ZNF267: variants seen among roughly 807,000 people sequenced by gnomAD.
ZNF267 encodes the protein zinc finger protein 267.
A neutral mutation model predicts 71.6 loss-of-function variants in ZNF267; 61 were observed. The ratio of observed to expected loss-of-function variants is 0.85; its 90% CI spans 0.69 to 1.05. ZNF267 has a LOEUF of 1.05. Among genes scored for constraint, ZNF267 ranks in the 50% least tolerant of loss-of-function variants. The probability of loss-of-function intolerance (pLI) is 0.00; values close to 1 mark genes in which losing one functional copy is unlikely to be tolerated. For missense variants in ZNF267, 852 were observed against 870.0 expected, an observed-to-expected ratio of 0.98 and a Z score of 0.26; for synonymous variants, 288 against 293.2, an observed-to-expected ratio of 0.98 and a Z score of 0.18.
chr16:31,914,097 C>T, intron 3 of ZNF267: 1 of 179,506 alleles, frequency 5.6e-6, no homozygotes, highest in Non-Finnish European at 1.2e-5. Flanking sequence ...TATTCAGAGA[C>T]CAGCAGCTCC....
rs144820121 is a variant in ZNF267, at chr16:31,911,274, T to A, written c.227-3202T>A. The stretch of plus-strand genomic sequence containing the variant: ...AAGATCTGTACAATGCTGAAAGTGG[T>A]GTGTTGAAGTCTCAATTATTATTGT... On this transcript the variant is annotated intron_variant, in intron 3 of 3. Transcript: ENST00000300870. Among the ~76,000 whole-genome samples, 221 of 151,806 alleles carry A rather than the reference T, an allele frequency of 1.5e-3. 7 individuals carry two copies. The highest frequency in any genetic ancestry group is 5.2e-3 in the African/African-American group (216 of 41,172).
rs2084180790 is a variant in ZNF267 at position 31,916,646 on chromosome 16, A to G, written c.*165A>G. 5.4e-6 allele frequency: 4 copies of G among 744,840 alleles called. No homozygotes were observed. Among genetic ancestry groups the G allele is most frequent in the Non-Finnish European group, 8.4e-6 (4 of 475,136 alleles). The allele number at this position is 744,840 out of a possible 1,614,324, so 46.1% of individuals were successfully genotyped here. A position where few individuals can be genotyped will look rare whatever the true frequency, so the allele number is the denominator to read the frequency against. On this transcript the variant is annotated 3_prime_UTR_variant, in exon 4 of 4. Coordinates refer to ENST00000300870, the MANE Select transcript of ZNF267 (RefSeq NM_003414.6). ...GAGAATATAAACTGAAAAAATCCAT[A>G]CAAATATTAAAAATGTGGCAAATTA...
In ZNF267 at chr16:31,914,614, G is replaced by A; in HGVS notation, c.365G>A (p.Cys122Tyr). The A allele has an allele frequency of 1.2e-6, 2 of 1,614,130 alleles. No individual in the cohort carries two copies. Among genetic ancestry groups the A allele is most frequent in the African/African-American group, 1.3e-5 (1 of 75,040 alleles). ...AGAAAAAGGTGGAAAAGGGAGGAGT[G>A]TGAAGGGCACAATGGATGTTATGAT... ...HLRKRWKREE[C>Y]EGHNGCYDEK... The change falls in exon 4 of 4, where the codon TGT (cysteine) becomes TAT (tyrosine). Residue 122 changes from cysteine to tyrosine, a missense_variant. Coordinates refer to ENST00000300870, the MANE Select transcript of ZNF267 (RefSeq NM_003414.6).
intron 3 of ZNF267, among the ~76,000 whole-genome samples, chr16:31,909,960 GT>G (rs2084123924): frequency 6.6e-6 from 1 of 152,076 alleles, no homozygotes; most frequent in Non-Finnish European, 1.5e-5. Context: ...CTTTTTGAGA[GT>G]TTTTATTATC....
In ZNF267 at chr16:31,915,633, A is replaced by G. The variant is rs769664773; in HGVS notation, c.1384A>G (p.Lys462Glu). ...TQHQTTHTGE[K>E]LYKCKVCSKS... ...ACATCAGACAACTCATACAGGAGAA[A>G]AACTTTACAAATGTAAAGTATGTAG... The change falls in exon 4 of 4, where the codon AAA becomes GAA. Residue 462 changes from lysine (K) to glutamate (E), a missense_variant. Lys to Glu is a moderately conservative substitution (Grantham distance 56, BLOSUM62 1). Coordinates refer to ENST00000300870, the MANE Select transcript of ZNF267 (RefSeq NM_003414.6). 6.8e-6 allele frequency: 11 copies of G among 1,613,924 alleles called. No individual in the cohort carries two copies.
chr16:31,906,449 T>A (rs989420350), intron 3 of ZNF267, among the ~76,000 whole-genome samples: 1 of 152,178 alleles, frequency 6.6e-6, no homozygotes, highest in Non-Finnish European at 1.5e-5. Flanking sequence ...CGGACCGCTT[T>A]GTTTACCTAC....
At chr16:31,874,360 A>T (rs2142325214) in intron 1 of ZNF267, 1 of 191,750 alleles carries the variant, frequency 5.2e-6, no homozygotes, top group South Asian at 1.5e-4. Context: ...CTTAAGAATT[A>T]AAGGGAGTCA....
chr16:31,892,749 C>G (rs1242913144), intron 3 of ZNF267, among the ~76,000 whole-genome samples: 2 of 152,264 alleles, frequency 1.3e-5, no homozygotes, highest in African/African-American at 4.8e-5. Context: ...TCCTTTGACT[C>G]CATGTCTCAC....
chr16:31,910,956 A>G (rs1004028552), intron 3 of ZNF267, among the ~76,000 whole-genome samples: 5 of 151,484 alleles, frequency 3.3e-5, no homozygotes, highest in Non-Finnish European at 5.9e-5. Context: ...TCCAATTTTC[A>G]TTGAGGAGCG....
Position 31,898,147 on chromosome 16 carries a change from G to A in ZNF267, c.226+12891G>A, listed in dbSNP as rs1332128255. On this transcript the variant is annotated intron_variant, in intron 3 of 3. Transcript: ENST00000300870. ...AGGTCACAATGTATATATGGGAGCT[G>A]TGACATTAGGTGCATATATGCTAAT... Among the ~76,000 whole-genome samples, 5 of 152,146 alleles carry A rather than the reference G, an allele frequency of 3.3e-5. No homozygotes were observed. In the East Asian group the frequency reaches 9.6e-4, roughly 29 times the overall value.
intron 1 of ZNF267, among the ~76,000 whole-genome samples, chr16:31,876,701 TA>T (rs1301755161): frequency 4.6e-5 from 7 of 152,274 alleles, no homozygotes; most frequent in Non-Finnish European, 1.0e-4. Flanking sequence ...TCCTTTATTC[TA>T]TAAACACTGT....
At chr16:31,909,808 T>G (rs2084122298) in intron 3 of ZNF267, among the ~76,000 whole-genome samples, 1 of 152,232 alleles carries the variant, frequency 6.6e-6, no homozygotes, top group Non-Finnish European at 1.5e-5. Context: ...TGAATAACAG[T>G]GTTGAAAGTG....
At chr16:31,881,279 T>C (rs1033484823) in intron 1 of ZNF267, among the ~76,000 whole-genome samples, 5 of 152,104 alleles carry the variant, frequency 3.3e-5, no homozygotes, top group African/African-American at 7.2e-5. Flanking sequence ...AAAGCAGCAA[T>C]GTAGAGATGA....
Position 31,874,047 on chromosome 16 carries a change from C to T in ZNF267, c.3+78C>T. 2.0e-6 allele frequency: 3 copies of T among 1,500,720 alleles called. No homozygotes were observed. In the Admixed American group the frequency reaches 5.3e-5, roughly 27 times the overall value. The allele number at this position is 1,500,720 out of a possible 1,614,324, so 93.0% of individuals were successfully genotyped here. A position where few individuals can be genotyped will look rare whatever the true frequency, so the allele number is the denominator to read the frequency against. On this transcript the variant is annotated intron_variant, in intron 1 of 3. Transcript: ENST00000300870. Reference sequence around the variant, plus strand: ...GCGGCGGGAACCCGCTGTAGGGGCACCCGGGCCTCCCCGCAGTCAGCCTCG... The same window carrying T: ...GCGGCGGGAACCCGCTGTAGGGGCATCCGGGCCTCCCCGCAGTCAGCCTCG...
chr16:31,906,197 G>A (rs1443341372), intron 3 of ZNF267, among the ~76,000 whole-genome samples: 1 of 152,160 alleles, frequency 6.6e-6, no homozygotes, highest in Non-Finnish European at 1.5e-5. Flanking sequence ...AGCTCCTACT[G>A]GGGGGTGCCT....
At position 31,916,060 on chromosome 16, in the gene ZNF267, A is replaced by G; in HGVS notation, c.1811A>G (p.Tyr604Cys). The change falls in exon 4 of 4, where the codon TAT (tyrosine) becomes TGT (cysteine). Residue 604 changes from tyrosine to cysteine, a missense_variant. Transcript: ENST00000300870. ...CGAACTCATACTGGAGAGAAACCCT[A>G]TACATGTAAAGAATGTGGCAAAGCC... The part of the protein sequence containing the change: ...HRRTHTGEKP[Y>C]TCKECGKAFS... 6.2e-7 allele frequency: 1 copy of G among 1,614,124 alleles called. No homozygotes were observed. The highest frequency in any genetic ancestry group is 1.1e-5 in the South Asian group (1 of 91,086).
intron 3 of ZNF267, among the ~76,000 whole-genome samples, chr16:31,892,482 G>A (rs2083967113): frequency 6.6e-6 from 1 of 152,036 alleles, no homozygotes; most frequent in African/African-American, 2.4e-5. Context: ...CTTCCCAATA[G>A]TCCCCCAAAG....
chr16:31,905,514 T>C (rs2142355443), intron 3 of ZNF267, among the ~76,000 whole-genome samples: 1 of 152,322 alleles, frequency 6.6e-6, no homozygotes, highest in African/African-American at 2.4e-5. Flanking sequence ...TAAACTTCTC[T>C]TTTCGCTTCA....
At chr16:31,875,696 G>C (rs954826456) in intron 1 of ZNF267, among the ~76,000 whole-genome samples, 7 of 152,168 alleles carry the variant, frequency 4.6e-5, no homozygotes, top group African/African-American at 1.7e-4. Context: ...AAATGATACC[G>C]TGACCTGACT....
Sources: allele counts gnomAD v4.1 joint callset (sites outside exome capture counted in the v4.1 genomes callset), GRCh38; gene constraint gnomAD v4.1.1; transcripts MANE v1.5; gene names NCBI Gene and HGNC (gene_info 2026-07-23, HGNC 2026-07-21).